Variants in SLC8A1 observed in about 807,000 individuals in gnomAD.
The protein encoded by SLC8A1 is sodium/calcium exchanger 1.
Under a neutral mutation model 68.3 loss-of-function variants are expected in SLC8A1, and 18 were observed. That is an observed-to-expected ratio of 0.26 (90% CI 0.18 to 0.39). The LOEUF (loss-of-function observed/expected upper bound fraction) is 0.39, where lower values mean the gene tolerates loss of function less well. SLC8A1 is among the 10% of genes least tolerant of loss of function. The pLI is 1.00. For missense variants in SLC8A1, 985 were observed against 1,156.7 expected (o/e 0.85, Z 2.15); for synonymous variants, 475 against 415.5 (o/e 1.14, Z -1.74).
At chr2:40,188,771 T>G (rs1367724650) in intron 2 of SLC8A1, among the ~76,000 whole-genome samples, 1 of 152,198 alleles carries the variant, frequency 6.6e-6, no homozygotes, top group African/African-American at 2.4e-5. Flanking sequence ...TCATATTCTC[T>G]TTCTCTGTTT....
At chr2:40,452,269 C>T (rs574597749), upstream of SLC8A1, among the ~76,000 whole-genome samples, 1,701 of 151,288 alleles carry the variant, frequency 0.011, 32 homozygotes, top group African/African-American at 0.039. Context: ...CGCCCCGGGG[C>T]CCCCTGCGCG....
At chr2:40,509,571 ACTCT>A (rs1706581120) in intron 1 of SLC8A1, among the ~76,000 whole-genome samples, 1 of 148,764 alleles carries the variant, frequency 6.7e-6, no homozygotes, top group South Asian at 2.1e-4. Context: ...TTTCATACAA[ACTCT>A]CTCCCAACAT....
chr2:40,231,941 G>A (rs1214526923), intron 2 of SLC8A1, among the ~76,000 whole-genome samples: 4 of 152,124 alleles, frequency 2.6e-5, no homozygotes, highest in Admixed American at 6.6e-5. Context: ...GGAGGGACTC[G>A]ACGAGGAACT....
chr2:40,329,069 C>A (rs1044888554), intron 2 of SLC8A1, among the ~76,000 whole-genome samples: 3 of 130,456 alleles, frequency 2.3e-5, no homozygotes, highest in Non-Finnish European at 4.8e-5. Flanking sequence ...CTCACACACA[C>A]ACACACACAC....
At chr2:40,380,315 A>C (rs1039405820) in intron 2 of SLC8A1, among the ~76,000 whole-genome samples, 27 of 152,192 alleles carry the variant, frequency 1.8e-4, no homozygotes, top group African/African-American at 6.3e-4. Context: ...TCTATTTACA[A>C]AACAGCCTGG....
chr2:40,415,744 G>T (rs571958208), intron 2 of SLC8A1, among the ~76,000 whole-genome samples: 8 of 151,874 alleles, frequency 5.3e-5, no homozygotes, highest in African/African-American at 2.4e-5. Context: ...TTGGGAGGCC[G>T]AGGTGGGTGG....
At chr2:40,140,594 C>G (rs74322575) in intron 6 of SLC8A1, among the ~76,000 whole-genome samples, 3 of 152,244 alleles carry the variant, frequency 2.0e-5, no homozygotes, top group Non-Finnish European at 4.4e-5. Context: ...TGGGCTTGAA[C>G]AAGCCCTCCA....
In SLC8A1 at chr2:40,427,225, G is replaced by T. The variant is rs930875758; in HGVS notation, c.1808+1248C>A. On this transcript the variant is annotated intron_variant, in intron 2 of 7. Coordinates refer to ENST00000406785, the Ensembl canonical transcript of SLC8A1. Reference sequence around the variant, plus strand: ...CAAAGAGATGTAAAGACACTGGAAGGCTCTCTCAGGAAAATCTGTTCTCTC... The same window carrying T: ...CAAAGAGATGTAAAGACACTGGAAGTCTCTCTCAGGAAAATCTGTTCTCTC... Among the ~76,000 whole-genome samples, 4 of 151,870 alleles carry T rather than the reference G, an allele frequency of 2.6e-5. No homozygotes were observed. The East Asian group carries it at 7.7e-4, about 29-fold the overall frequency.
At chr2:40,441,312 T>G (rs1700434710) in intron 1 of SLC8A1, among the ~76,000 whole-genome samples, 3 of 151,518 alleles carry the variant, frequency 2.0e-5, no homozygotes, top group African/African-American at 7.3e-5. Flanking sequence ...TGTTCATGGA[T>G]AGGAACAATC....
At chr2:40,127,323 A>T (rs943754419) in intron 7 of SLC8A1, among the ~76,000 whole-genome samples, 2 of 152,054 alleles carry the variant, frequency 1.3e-5, no homozygotes, top group Non-Finnish European at 2.9e-5. Flanking sequence ...TTTCTCCCCA[A>T]AGCACAGACT....
At chr2:40,371,304 C>G (rs973006656) in intron 2 of SLC8A1, among the ~76,000 whole-genome samples, 1 of 151,972 alleles carries the variant, frequency 6.6e-6, no homozygotes, top group East Asian at 1.9e-4. Flanking sequence ...TGTTGCCTTT[C>G]AAATATACAT....
chr2:40,477,188 C>T (rs534988567), intron 1 of SLC8A1, among the ~76,000 whole-genome samples: 7 of 152,080 alleles, frequency 4.6e-5, no homozygotes, highest in Admixed American at 2.6e-4. Context: ...TCCTGGGCAA[C>T]GTGATCTTTT....
intron 2 of SLC8A1, among the ~76,000 whole-genome samples, chr2:40,300,524 C>A (rs1222548048): frequency 6.6e-6 from 1 of 152,146 alleles, no homozygotes; most frequent in Non-Finnish European, 1.5e-5. Context: ...CGTGCCTCAG[C>A]GTAAGTCTGA....
At chr2:40,132,656 GCTAA>G (rs750572866) in intron 7 of SLC8A1, among the ~76,000 whole-genome samples, 5 of 152,122 alleles carry the variant, frequency 3.3e-5, no homozygotes, top group South Asian at 4.1e-4. Context: ...GCTATCAATA[GCTAA>G]CTGTTTTTCT....
intron 2 of SLC8A1, among the ~76,000 whole-genome samples, chr2:40,375,793 G>C (rs1455291492): frequency 6.6e-6 from 1 of 151,988 alleles, no homozygotes; most frequent in Admixed American, 6.6e-5. Context: ...GCTTGAGCTC[G>C]AAAGTTGAAG....
At chr2:40,290,538 T>C (rs2069122119) in intron 2 of SLC8A1, among the ~76,000 whole-genome samples, 1 of 152,190 alleles carries the variant, frequency 6.6e-6, no homozygotes, top group Non-Finnish European at 1.5e-5. Flanking sequence ...ATCTTGCTGC[T>C]GTCACATTTG....
At chr2:40,365,552 A>G (rs1350500991) in intron 2 of SLC8A1, among the ~76,000 whole-genome samples, 1 of 152,052 alleles carries the variant, frequency 6.6e-6, no homozygotes. Flanking sequence ...GGGCAAGGTG[A>G]GGGGCTCTGA....
intron 2 of SLC8A1, among the ~76,000 whole-genome samples, chr2:40,362,920 G>A (rs181925773): frequency 6.6e-6 from 1 of 152,032 alleles, no homozygotes; most frequent in Admixed American, 6.6e-5. Context: ...TGTTATTTGA[G>A]ACTACCCCAT....
chr2:40,114,207 C>G (rs1002661843), exon 8 of SLC8A1: 1 of 152,732 alleles, frequency 6.5e-6, no homozygotes, highest in African/African-American at 2.4e-5. Context: ...CCGAACGGCA[C>G]ATGAAGAAGG....
Sources: gnomAD v4.1 joint callset for allele counts (sites outside exome capture counted in the v4.1 genomes callset) on GRCh38, gnomAD v4.1.1 for gene constraint, MANE v1.5 for transcripts, NCBI Gene and HGNC (gene_info 2026-07-23, HGNC 2026-07-21) for gene names.